The following RABGAP1L variants were observed in gnomAD, a reference collection of about 807,000 sequenced individuals.
The protein encoded by RABGAP1L is RAB GTPase activating protein 1 like.
A neutral mutation model predicts 137.7 loss-of-function variants in RABGAP1L; 63 were observed. The ratio of observed to expected loss-of-function variants is 0.46; its 90% CI spans 0.37 to 0.56. The LOEUF (loss-of-function observed/expected upper bound fraction) is 0.56, where lower values mean the gene tolerates loss of function less well. Ranked by LOEUF, RABGAP1L falls within the 20% of genes least tolerant of loss-of-function variation. The pLI is 0.00. For synonymous variants in RABGAP1L, 431 were observed against 433.7 expected (o/e 0.99, Z 0.08); for missense variants, 1,095 against 1,244.0 (o/e 0.88, Z 1.80).
chr1:174,260,289 A>G (rs540806596), intron 7 of RABGAP1L, among the ~76,000 whole-genome samples: 4 of 152,212 alleles, frequency 2.6e-5, no homozygotes, highest in African/African-American at 4.8e-5. Flanking sequence ...TCTTGATTAT[A>G]TACTAGGTTT....
intron 14 of RABGAP1L, among the ~76,000 whole-genome samples, chr1:174,647,469 T>G (rs1413325754): frequency 6.6e-6 from 1 of 152,164 alleles, no homozygotes. Flanking sequence ...GATAATCATG[T>G]GGTTTTTGTC....
intron 10 of RABGAP1L, among the ~76,000 whole-genome samples, chr1:174,281,567 G>T (rs947209270): frequency 6.6e-6 from 1 of 152,158 alleles, no homozygotes; most frequent in African/African-American, 2.4e-5. Flanking sequence ...CTGAGTCTAA[G>T]GGGAGTAGAC....
At chr1:174,421,849 A>T (rs905150836) in intron 13 of RABGAP1L, among the ~76,000 whole-genome samples, 3 of 152,252 alleles carry the variant, frequency 2.0e-5, no homozygotes, top group African/African-American at 7.2e-5. Context: ...GCTCACTGCA[A>T]ACTCTGCATA....
intron 18 of RABGAP1L, among the ~76,000 whole-genome samples, chr1:174,753,421 A>G (rs1347773113): frequency 2.6e-5 from 4 of 152,204 alleles, no homozygotes; most frequent in Admixed American, 2.6e-4. Context: ...AAACAAAGGC[A>G]TGAAATAGTA....
intron 12 of RABGAP1L, among the ~76,000 whole-genome samples, chr1:174,385,903 AT>A (rs1686725494): frequency 6.6e-6 from 1 of 152,234 alleles, no homozygotes; most frequent in Admixed American, 6.5e-5. Flanking sequence ...TAGTTTTGCT[AT>A]AAAAGGATGA....
At chr1:174,589,379 G>A (rs114402150) in intron 13 of RABGAP1L, among the ~76,000 whole-genome samples, 3,441 of 152,242 alleles carry the variant, frequency 0.023, 62 homozygotes, top group Middle Eastern at 0.085. Flanking sequence ...GTTTGCAAAT[G>A]TTGTCTTCCA....
At chr1:174,273,171 A>T (rs1422507855) in intron 8 of RABGAP1L, among the ~76,000 whole-genome samples, 2 of 152,060 alleles carry the variant, frequency 1.3e-5, no homozygotes, top group Non-Finnish European at 2.9e-5. Flanking sequence ...GATAATAAGC[A>T]CTATATGCTT....
chr1:174,204,008 G>A (rs1299230998), intron 1 of RABGAP1L, among the ~76,000 whole-genome samples: 3 of 151,088 alleles, frequency 2.0e-5, no homozygotes, highest in Admixed American at 1.3e-4. Flanking sequence ...CTAGAGTGCA[G>A]TGGCACAATC....
At chr1:174,300,307 C>T (rs1677550796) in intron 10 of RABGAP1L, among the ~76,000 whole-genome samples, 1 of 152,058 alleles carries the variant, frequency 6.6e-6, no homozygotes, top group Non-Finnish European at 1.5e-5. Flanking sequence ...TGGTGAATCT[C>T]CTGAGGTCGG....
chr1:174,964,765 C>T (rs1669465009), intron 20 of RABGAP1L: 1 of 1,325,702 alleles, frequency 7.5e-7, no homozygotes, highest in East Asian at 2.8e-5. Flanking sequence ...CACTGGCTAC[C>T]TCAAGTATCT....
At chr1:174,683,627 A>C (rs764467515) in intron 15 of RABGAP1L, 31 bp downstream of exon 15, 1 of 1,499,200 alleles carries the variant, frequency 6.7e-7, no homozygotes, top group Non-Finnish European at 9.2e-7. Flanking sequence ...TAAATAGCAC[A>C]GTGCTGCCAA....
chr1:174,744,735 A>G (rs191574742), intron 17 of RABGAP1L, among the ~76,000 whole-genome samples: 1 of 152,306 alleles, frequency 6.6e-6, no homozygotes, highest in African/African-American at 2.4e-5. Context: ...ATAAACACTG[A>G]AAACGGTCCC....
At chr1:174,743,761 C>T (rs1307748532) in intron 17 of RABGAP1L, among the ~76,000 whole-genome samples, 1 of 152,002 alleles carries the variant, frequency 6.6e-6, no homozygotes, top group Non-Finnish European at 1.5e-5. Flanking sequence ...ACTACTTAAT[C>T]TGTACAAACA....
intron 13 of RABGAP1L, among the ~76,000 whole-genome samples, chr1:174,516,120 T>TACACAC (rs61414923): frequency 0.066 from 8,756 of 133,168 alleles, 355 homozygotes; most frequent in East Asian, 0.14. Context: ...ACTGAAGCTC[T>TACACAC]ACACACACAC....
At chr1:174,587,246 TC>T (rs1200156165) in intron 13 of RABGAP1L, among the ~76,000 whole-genome samples, 1 of 135,250 alleles carries the variant, frequency 7.4e-6, no homozygotes, top group Non-Finnish European at 1.5e-5. Flanking sequence ...TGATTTATGG[TC>T]CTTTGGGTAT....
intron 13 of RABGAP1L, among the ~76,000 whole-genome samples, chr1:174,399,461 G>T (rs183606562): frequency 8.5e-5 from 13 of 152,240 alleles, no homozygotes; most frequent in African/African-American, 2.9e-4. Flanking sequence ...GGAATGGCAA[G>T]ATTTCAAGGT....
chr1:174,488,922 C>T (rs565096216), intron 13 of RABGAP1L, among the ~76,000 whole-genome samples: 1 of 116,340 alleles, frequency 8.6e-6, no homozygotes, highest in Non-Finnish European at 1.7e-5. Flanking sequence ...CCCCTCCCCC[C>T]ACCCCACAAC....
At chr1:174,508,048 A>C (rs1381678694) in intron 13 of RABGAP1L, among the ~76,000 whole-genome samples, 1 of 152,144 alleles carries the variant, frequency 6.6e-6, no homozygotes, top group Non-Finnish European at 1.5e-5. Flanking sequence ...GTGAATAAAA[A>C]ATTATATGAG....
chr1:174,649,140 T>G (rs141897096), intron 14 of RABGAP1L, among the ~76,000 whole-genome samples: 10,826 of 152,232 alleles, frequency 0.071, 545 homozygotes, highest in South Asian at 0.11. Flanking sequence ...CTGATAGGTC[T>G]TGACTCTTTA....
Sources: gnomAD v4.1 joint callset for allele counts (sites outside exome capture counted in the v4.1 genomes callset) on GRCh38, gnomAD v4.1.1 for gene constraint, MANE v1.5 for transcripts, NCBI Gene and HGNC (gene_info 2026-07-23, HGNC 2026-07-21) for gene names.